Variants in XRCC4 observed in about 807,000 individuals in gnomAD.
The protein encoded by XRCC4 is DNA repair protein XRCC4.
XRCC4 carries 28 observed loss-of-function variants against 39.1 expected under a neutral mutation model. The observed-to-expected ratio is 0.72, with a 90% CI of 0.53 to 0.98. The LOEUF is 0.98. XRCC4 is among the 50% of genes least tolerant of loss of function. XRCC4 has a pLI of 0.00. For synonymous variants in XRCC4, 123 were observed against 126.4 expected (o/e 0.97, Z 0.18); for missense variants, 350 against 376.4 (o/e 0.93, Z 0.58).
intron 3 of XRCC4, among the ~76,000 whole-genome samples, chr5:83,123,303 T>A (rs1410225480): frequency 6.6e-6 from 1 of 152,104 alleles, no homozygotes; most frequent in Non-Finnish European, 1.5e-5. Context: ...CTAATTCTAT[T>A]GATGTTATTT....
At chr5:83,204,696 T>A in intron 5 of XRCC4, 119 bp from the exon 6 acceptor site, 1 of 604,144 alleles carries the variant, frequency 1.7e-6, no homozygotes. Flanking sequence ...ATATTTTCAA[T>A]ATGTTTGTCT....
intron 6 of XRCC4, among the ~76,000 whole-genome samples, chr5:83,240,698 G>C (rs140758224): frequency 6.6e-5 from 10 of 152,254 alleles, no homozygotes; most frequent in African/African-American, 2.4e-4. Flanking sequence ...CTGTATTCTT[G>C]TGTGTACAAG....
intron 7 of XRCC4, among the ~76,000 whole-genome samples, chr5:83,310,319 G>A (rs1423030791): frequency 6.6e-6 from 1 of 152,162 alleles, no homozygotes; most frequent in Admixed American, 6.5e-5. Flanking sequence ...TCTACTCCAT[G>A]TGTTTACTAA....
intron 6 of XRCC4, among the ~76,000 whole-genome samples, chr5:83,226,496 G>T (rs2112803477): frequency 6.6e-6 from 1 of 152,062 alleles, no homozygotes; most frequent in Non-Finnish European, 1.5e-5. Context: ...ATTACATATA[G>T]GTGTCTTTCT....
At chr5:83,200,064 C>A (rs1038490220) in intron 4 of XRCC4, among the ~76,000 whole-genome samples, 2 of 151,966 alleles carry the variant, frequency 1.3e-5, no homozygotes, top group African/African-American at 4.8e-5. Context: ...CAGTTCCTGT[C>A]CAATTTCTTG....
At chr5:83,260,662 C>A (rs1242844160) in intron 7 of XRCC4, among the ~76,000 whole-genome samples, 2 of 152,032 alleles carry the variant, frequency 1.3e-5, no homozygotes. Flanking sequence ...TGAATCAAGA[C>A]TAAATATTTT....
At chr5:83,249,187 T>C (rs901586392) in intron 6 of XRCC4, among the ~76,000 whole-genome samples, 2 of 152,142 alleles carry the variant, frequency 1.3e-5, no homozygotes, top group African/African-American at 2.4e-5. Context: ...GACCTGCCCA[T>C]AGTTATCGAG....
At chr5:83,106,435 T>A (rs968652053) in intron 2 of XRCC4, among the ~76,000 whole-genome samples, 3 of 152,108 alleles carry the variant, frequency 2.0e-5, no homozygotes, top group African/African-American at 7.2e-5. Flanking sequence ...TTAGTTGTTG[T>A]CAGACAGATG....
intron 3 of XRCC4, among the ~76,000 whole-genome samples, chr5:83,128,997 A>G (rs1747417315): frequency 6.6e-6 from 1 of 152,048 alleles, no homozygotes; most frequent in South Asian, 2.1e-4. Flanking sequence ...CCATTTGTCA[A>G]TTTTGGCTTT....
intron 7 of XRCC4, among the ~76,000 whole-genome samples, chr5:83,274,265 A>G (rs1007797464): frequency 3.3e-5 from 5 of 152,142 alleles, no homozygotes; most frequent in African/African-American, 1.2e-4. Context: ...CTACAAAAGC[A>G]TTTGTCTTTG....
intron 6 of XRCC4, 125 bp from the exon 7 acceptor site, chr5:83,258,405 A>G (rs1199422030): frequency 8.4e-7 from 1 of 1,190,644 alleles, no homozygotes; most frequent in Non-Finnish European, 1.2e-6. Flanking sequence ...CTGCATAAAG[A>G]TTTGAAAGAA....
the XRCC4 span, among the ~76,000 whole-genome samples, chr5:83,360,207 C>G: frequency 1.1e-4 from 16 of 152,190 alleles, no homozygotes; most frequent in African/African-American, 2.9e-4. Context: ...CTGTCACTCT[C>G]TCATATAAGA....
At chr5:83,215,045 A>G (rs1751804580) in intron 6 of XRCC4, among the ~76,000 whole-genome samples, 1 of 152,062 alleles carries the variant, frequency 6.6e-6, no homozygotes, top group Admixed American at 6.6e-5. Context: ...TTAGAAATTT[A>G]GTATTGTTGG....
intron 6 of XRCC4, among the ~76,000 whole-genome samples, chr5:83,219,232 T>A (rs989219717): frequency 4.6e-5 from 7 of 152,136 alleles, no homozygotes; most frequent in African/African-American, 1.7e-4. Context: ...CCTCTGTAAA[T>A]ACCCTACATC....
At chr5:83,242,335 G>A (rs938832565) in intron 6 of XRCC4, among the ~76,000 whole-genome samples, 1 of 152,100 alleles carries the variant, frequency 6.6e-6, no homozygotes, top group Non-Finnish European at 1.5e-5. Flanking sequence ...AAATGTATGA[G>A]ATTGTAAATA....
At chr5:83,374,305 G>C in the XRCC4 span, among the ~76,000 whole-genome samples, 3 of 152,160 alleles carry the variant, frequency 2.0e-5, no homozygotes, top group Non-Finnish European at 4.4e-5. Flanking sequence ...TAGTGAATAA[G>C]TCTCACAAGA....
At chr5:83,263,168 A>T (rs1205075568) in intron 7 of XRCC4, among the ~76,000 whole-genome samples, 2 of 150,240 alleles carry the variant, frequency 1.3e-5, no homozygotes, top group Non-Finnish European at 3.0e-5. Context: ...TACAAAGGAC[A>T]TGAACTCATC....
At chr5:83,361,293 A>T in the XRCC4 span, among the ~76,000 whole-genome samples, 1 of 152,166 alleles carries the variant, frequency 6.6e-6, no homozygotes, top group Admixed American at 6.5e-5. Context: ...TTTCTTTCAA[A>T]CACCCTATCC....
intron 7 of XRCC4, among the ~76,000 whole-genome samples, chr5:83,277,432 G>C (rs752195616): frequency 1.1e-4 from 17 of 152,220 alleles, no homozygotes; most frequent in Non-Finnish European, 1.9e-4. Context: ...GAGATAGCAC[G>C]GAGTGGAGCC....
Sources: allele counts gnomAD v4.1 joint callset (sites outside exome capture counted in the v4.1 genomes callset), GRCh38; gene constraint gnomAD v4.1.1; transcripts MANE v1.5; gene names NCBI Gene and HGNC (gene_info 2026-07-23, HGNC 2026-07-21).